The following DAB1 variants were observed in gnomAD, a reference collection of about 807,000 sequenced individuals.
DAB1 encodes the protein disabled homolog 1.
In DAB1, 15 loss-of-function variants were observed where a neutral mutation model predicts 64.6. The ratio of observed to expected loss-of-function variants is 0.23; its 90% CI spans 0.16 to 0.36. DAB1 has a LOEUF of 0.36. Ranked by LOEUF, DAB1 falls within the 10% of genes least tolerant of loss-of-function variation. The pLI, the probability that DAB1 is intolerant of heterozygous loss-of-function variation, is 1.00. For synonymous variants in DAB1, 235 were observed against 251.9 expected (o/e 0.93, Z 0.64); for missense variants, 596 against 706.7 (o/e 0.84, Z 1.78).
chr1:58,051,518 G>A (rs1570281222), intron 5 of DAB1, among the ~76,000 whole-genome samples: 1 of 152,190 alleles, frequency 6.6e-6, no homozygotes, highest in African/African-American at 2.4e-5. Context: ...ACGTGTGCAT[G>A]TGTCTTTATA....
At chr1:57,231,068 T>C (rs963657101) in intron 2 of DAB1, among the ~76,000 whole-genome samples, 1 of 152,176 alleles carries the variant, frequency 6.6e-6, no homozygotes, top group Admixed American at 6.5e-5. Flanking sequence ...TGACACACAA[T>C]TGATATATAG....
At chr1:58,010,464 T>C (rs1646651455) in intron 5 of DAB1, among the ~76,000 whole-genome samples, 1 of 152,146 alleles carries the variant, frequency 6.6e-6, no homozygotes, top group Non-Finnish European at 1.5e-5. Flanking sequence ...AAGCGCAATT[T>C]GAACACTTGT....
At chr1:58,494,284 C>T (rs917538277) in intron 3 of DAB1, among the ~76,000 whole-genome samples, 160 of 152,268 alleles carry the variant, frequency 1.1e-3, no homozygotes, top group African/African-American at 3.8e-3. Context: ...GGATTAAAGA[C>T]TTAAATGTTA....
intron 3 of DAB1, among the ~76,000 whole-genome samples, chr1:58,389,204 G>A (rs1293778546): frequency 2.0e-5 from 3 of 152,174 alleles, no homozygotes; most frequent in Non-Finnish European, 2.9e-5. Context: ...TTGGGAGGCC[G>A]AGTGGGGAGG....
chr1:57,422,642 G>A (rs560127521), intron 1 of DAB1, among the ~76,000 whole-genome samples: 6 of 151,160 alleles, frequency 4.0e-5, no homozygotes, highest in Admixed American at 3.3e-4. Context: ...CCACCCCCAC[G>A]CCATTCCTTC....
chr1:57,930,150 C>T (rs1309221271), intron 5 of DAB1, among the ~76,000 whole-genome samples: 1 of 152,192 alleles, frequency 6.6e-6, no homozygotes, highest in Admixed American at 6.5e-5. Context: ...GTCAAAAAGA[C>T]TATCTTTTCT....
chr1:57,710,492 C>T (rs767157518), intron 6 of DAB1, among the ~76,000 whole-genome samples: 2 of 152,098 alleles, frequency 1.3e-5, no homozygotes, highest in Non-Finnish European at 2.9e-5. Flanking sequence ...ACAGTCAGGC[C>T]TTATGAGCAT....
At chr1:58,366,562 A>C (rs1006506628) in intron 3 of DAB1, among the ~76,000 whole-genome samples, 1 of 152,230 alleles carries the variant, frequency 6.6e-6, no homozygotes, top group Non-Finnish European at 1.5e-5. Flanking sequence ...CCAGGAACCC[A>C]AGAGTGAAAT....
intron 6 of DAB1, among the ~76,000 whole-genome samples, chr1:57,669,158 A>C (rs1055707948): frequency 1.3e-5 from 2 of 152,116 alleles, no homozygotes; most frequent in African/African-American, 2.4e-5. Flanking sequence ...TAACTGATGC[A>C]CAGGACTTAG....
At chr1:57,918,067 C>CAATAAATA (rs59397849) in intron 5 of DAB1, among the ~76,000 whole-genome samples, 11,175 of 138,518 alleles carry the variant, frequency 0.081, 584 homozygotes, top group African/African-American at 0.14. Context: ...GACTCCGTCT[C>CAATAAATA]AATAAATAAA....
At chr1:58,487,245 T>G (rs143630687) in intron 3 of DAB1, among the ~76,000 whole-genome samples, 1 of 152,322 alleles carries the variant, frequency 6.6e-6, no homozygotes, top group Non-Finnish European at 1.5e-5. Context: ...TTTTCATGAA[T>G]AGGACACAGA....
intron 1 of DAB1, among the ~76,000 whole-genome samples, chr1:57,319,922 A>T (rs1675557781): frequency 6.6e-6 from 1 of 152,194 alleles, no homozygotes; most frequent in Non-Finnish European, 1.5e-5. Context: ...ACTTGGATCT[A>T]TAGCAGCTAT....
intron 2 of DAB1, among the ~76,000 whole-genome samples, chr1:57,218,067 A>G (rs1284428722): frequency 6.6e-6 from 1 of 152,210 alleles, no homozygotes; most frequent in Non-Finnish European, 1.5e-5. Flanking sequence ...ATACTGCATT[A>G]TACCATGCTG....
chr1:58,341,957 T>C (rs920472554), intron 4 of DAB1, among the ~76,000 whole-genome samples: 37 of 152,162 alleles, frequency 2.4e-4, no homozygotes, highest in African/African-American at 8.4e-4. Context: ...ATCTAAGATA[T>C]ATAGCTTGAA....
intron 3 of DAB1, among the ~76,000 whole-genome samples, chr1:58,377,848 G>A (rs1644344186): frequency 7.1e-6 from 1 of 140,494 alleles, no homozygotes; most frequent in Non-Finnish European, 1.6e-5. Context: ...TTTTCACATA[G>A]TCCCATATTT....
At chr1:57,519,407 G>T (rs1389950322) in intron 7 of DAB1, among the ~76,000 whole-genome samples, 1 of 152,152 alleles carries the variant, frequency 6.6e-6, no homozygotes, top group African/African-American at 2.4e-5. Context: ...GCTATGTGGA[G>T]TCACCACCAT....
chr1:57,522,702 G>A (rs1404726423), intron 7 of DAB1, among the ~76,000 whole-genome samples: 1 of 152,298 alleles, frequency 6.6e-6, no homozygotes, highest in East Asian at 1.9e-4. Context: ...GTGTGTCTGT[G>A]AGCTGTTGCC....
chr1:57,523,383 C>G (rs1186065790), intron 7 of DAB1, among the ~76,000 whole-genome samples: 1 of 152,188 alleles, frequency 6.6e-6, no homozygotes, highest in Non-Finnish European at 1.5e-5. Flanking sequence ...AAGCTTCTCT[C>G]TGCTCCCATC....
chr1:57,098,265 T>C (rs548473018), intron 4 of DAB1, among the ~76,000 whole-genome samples: 2 of 152,222 alleles, frequency 1.3e-5, no homozygotes, highest in Non-Finnish European at 2.9e-5. Flanking sequence ...GGTGCCAGTG[T>C]AGTTGGCCTT....
Sources: gnomAD v4.1 joint callset for allele counts (sites outside exome capture counted in the v4.1 genomes callset) on GRCh38, gnomAD v4.1.1 for gene constraint, MANE v1.5 for transcripts, NCBI Gene and HGNC (gene_info 2026-07-23, HGNC 2026-07-21) for gene names.